The following ADGRB3 variants were observed in gnomAD, a reference collection of about 807,000 sequenced individuals.
ADGRB3 encodes adhesion G protein-coupled receptor B3.
ADGRB3 carries 37 observed loss-of-function variants against 193.4 expected under a neutral mutation model. That is an observed-to-expected ratio of 0.19 (90% CI 0.15 to 0.25). ADGRB3 has a LOEUF of 0.25. Among genes scored for constraint, ADGRB3 ranks in the 10% least tolerant of loss-of-function variants. The pLI is 1.00. For synonymous variants in ADGRB3, 690 were observed against 644.2 expected (o/e 1.07, Z -1.08); for missense variants, 1,637 against 1,852.9 (o/e 0.88, Z 2.14).
At chr6:68,842,280 C>G (rs565542331) in intron 3 of ADGRB3, among the ~76,000 whole-genome samples, 27 of 151,354 alleles carry the variant, frequency 1.8e-4, no homozygotes, top group Middle Eastern at 3.4e-3. Flanking sequence ...AACTTTTAGC[C>G]AGGCTAACTA....
intron 3 of ADGRB3, among the ~76,000 whole-genome samples, chr6:68,904,901 G>C (rs2150234644): frequency 6.6e-6 from 1 of 152,256 alleles, no homozygotes. Context: ...CATCACTTCA[G>C]TGGTTGTAGG....
chr6:69,114,556 T>C (rs543223113), intron 17 of ADGRB3, among the ~76,000 whole-genome samples: 1 of 152,360 alleles, frequency 6.6e-6, no homozygotes, highest in African/African-American at 2.4e-5. Context: ...CCATTGGTTT[T>C]GGTGTTTTAG....
At chr6:69,321,977 A>G (rs186848651) in intron 20 of ADGRB3, among the ~76,000 whole-genome samples, 2 of 151,888 alleles carry the variant, frequency 1.3e-5, no homozygotes, top group East Asian at 3.9e-4. Context: ...CCTAGTACCA[A>G]TTAGTTATTT....
chr6:68,938,477 G>T (rs934985623), intron 5 of ADGRB3, among the ~76,000 whole-genome samples: 14 of 146,020 alleles, frequency 9.6e-5, no homozygotes, highest in Middle Eastern at 3.6e-3. Context: ...TATATGTTGT[G>T]AAATGGTTAA....
rs1765600241 is a variant in ADGRB3 at position 69,209,031 on chromosome 6, G to T, written c.2481-24259G>T. Among the ~76,000 whole-genome samples, 4 of 152,248 alleles carry T rather than the reference G, an allele frequency of 2.6e-5. No individual in the cohort carries two copies. The South Asian group carries it at 8.3e-4, about 32-fold the overall frequency. On this transcript the variant is annotated intron_variant, in intron 17 of 31. Transcript: ENST00000370598. ...AGGGCCTTGCTCCAAAATCCTAGAGGCCTCCACTGTGATTTACCTATGAGG... is the reference window on the plus strand; with the variant it reads ...AGGGCCTTGCTCCAAAATCCTAGAGTCCTCCACTGTGATTTACCTATGAGG...
At chr6:69,238,416 T>C (rs1766316524) in intron 19 of ADGRB3, among the ~76,000 whole-genome samples, 1 of 152,108 alleles carries the variant, frequency 6.6e-6, no homozygotes, top group Admixed American at 6.6e-5. Flanking sequence ...ACTTAACAAC[T>C]ATATAACAGA....
At chr6:69,180,570 T>C (rs1238066977) in intron 17 of ADGRB3, among the ~76,000 whole-genome samples, 1 of 152,144 alleles carries the variant, frequency 6.6e-6, no homozygotes, top group African/African-American at 2.4e-5. Context: ...CCCTGCTCCA[T>C]CATTATCTCA....
intron 17 of ADGRB3, among the ~76,000 whole-genome samples, chr6:69,147,701 T>C (rs955111958): frequency 1.3e-5 from 2 of 152,170 alleles, no homozygotes; most frequent in Admixed American, 6.5e-5. Flanking sequence ...TCTTTGTTGA[T>C]TTTTTGACTG....
chr6:68,925,705 ATT>A (rs1767160498), intron 3 of ADGRB3, among the ~76,000 whole-genome samples: 1 of 152,010 alleles, frequency 6.6e-6, no homozygotes, highest in African/African-American at 2.4e-5. Context: ...TATTTAGGAA[ATT>A]TATATAAAAA....
intron 24 of ADGRB3, among the ~76,000 whole-genome samples, chr6:69,337,737 T>C (rs1561991755): frequency 6.6e-6 from 1 of 152,172 alleles, no homozygotes; most frequent in Non-Finnish European, 1.5e-5. Context: ...ATCTACTTAA[T>C]TAATCACTTT....
At chr6:69,095,638 A>G (rs1195361849) in intron 17 of ADGRB3, among the ~76,000 whole-genome samples, 2 of 152,234 alleles carry the variant, frequency 1.3e-5, no homozygotes, top group Non-Finnish European at 2.9e-5. Context: ...AAGAAAATGC[A>G]GTGCTTTGGG....
chr6:69,043,280 G>A (rs1340645813), intron 13 of ADGRB3, among the ~76,000 whole-genome samples: 3 of 132,284 alleles, frequency 2.3e-5, no homozygotes, highest in Admixed American at 8.0e-5. Flanking sequence ...GAAAAGGAAA[G>A]GAAGAAAGAG....
At chr6:68,969,384 A>G (rs898091815) in intron 8 of ADGRB3, among the ~76,000 whole-genome samples, 4 of 152,258 alleles carry the variant, frequency 2.6e-5, no homozygotes, top group African/African-American at 9.6e-5. Flanking sequence ...TATTCAGGAA[A>G]ATTAACTGTG....
intron 19 of ADGRB3, among the ~76,000 whole-genome samples, chr6:69,238,768 A>G (rs534993175): frequency 1.3e-5 from 2 of 151,906 alleles, no homozygotes; most frequent in Non-Finnish European, 2.9e-5. Context: ...ACACACGTAT[A>G]TAAAGGTATT....
rs191283902 is a variant in ADGRB3 at position 69,369,757 on chromosome 6, T to C, written c.4240-2649T>C. Among the ~76,000 whole-genome samples, 360 of 152,070 alleles carry C rather than the reference T, an allele frequency of 2.4e-3. 2 individuals are homozygous for C. The highest frequency in any genetic ancestry group is 3.8e-3 in the Non-Finnish European group (258 of 67,968). ...CTGGAGGTGGAGAAGTCTCCTACTGTTTGTTATTGTATCATTGCTTATAAA... is the reference window on the plus strand; with the variant it reads ...CTGGAGGTGGAGAAGTCTCCTACTGCTTGTTATTGTATCATTGCTTATAAA... On this transcript the variant is annotated intron_variant, in intron 29 of 31. Transcript: ENST00000370598.
chr6:68,663,010 C>A (rs72897151), intron 3 of ADGRB3, among the ~76,000 whole-genome samples: 1 of 150,930 alleles, frequency 6.6e-6, no homozygotes, highest in African/African-American at 2.4e-5. Flanking sequence ...AAACCCATTA[C>A]GTCAGCTTTC....
At chr6:68,650,905 T>A (rs1397605493) in intron 3 of ADGRB3, among the ~76,000 whole-genome samples, 1 of 152,194 alleles carries the variant, frequency 6.6e-6, no homozygotes, top group East Asian at 1.9e-4. Flanking sequence ...CTTTATGATT[T>A]TTTTTGAATA....
intron 19 of ADGRB3, among the ~76,000 whole-genome samples, chr6:69,238,678 T>TTGTG (rs541400216): frequency 2.0e-3 from 303 of 152,130 alleles, no homozygotes; most frequent in African/African-American, 6.8e-3. Flanking sequence ...ACTTCACAAT[T>TTGTG]TGAGTTTTTT....
intron 3 of ADGRB3, among the ~76,000 whole-genome samples, chr6:68,648,348 T>C (rs1216864745): frequency 2.0e-5 from 3 of 152,120 alleles, no homozygotes; most frequent in Non-Finnish European, 4.4e-5. Flanking sequence ...AAATGGTTAC[T>C]GTTTGGTTTC....
Sources: allele counts gnomAD v4.1 joint callset (sites outside exome capture counted in the v4.1 genomes callset), GRCh38; gene constraint gnomAD v4.1.1; transcripts MANE v1.5; gene names NCBI Gene and HGNC (gene_info 2026-07-23, HGNC 2026-07-21).